Variants in CIMIP2C observed in about 807,000 individuals in gnomAD.
CIMIP2C encodes the protein ciliary microtubule inner protein 2C, also known as UPF0573 protein C2orf70.
At chr2:26,567,952 C>A in the CIMIP2C span, among the ~76,000 whole-genome samples, 1 of 152,264 alleles carries the variant, frequency 6.6e-6, no homozygotes. Flanking sequence ...GAGAAACTGG[C>A]AGGTGTGGTC....
the CIMIP2C span, among the ~76,000 whole-genome samples, chr2:26,568,275 G>A: frequency 1.3e-5 from 2 of 152,142 alleles, no homozygotes; most frequent in African/African-American, 4.8e-5. Flanking sequence ...ACACACTTAG[G>A]GAGCCTCTGG....
At chr2:26,565,468 G>C in the CIMIP2C span, among the ~76,000 whole-genome samples, 1 of 152,074 alleles carries the variant, frequency 6.6e-6, no homozygotes, top group East Asian at 1.9e-4. Flanking sequence ...GCAAGTTGCC[G>C]AGCCTCGGCT....
chr2:26,576,016 CT>C, the CIMIP2C span: 1 of 1,614,218 alleles, frequency 6.2e-7, no homozygotes, highest in Non-Finnish European at 8.5e-7. Context: ...GCCACACTCC[CT>C]TCAGCCAAGG....
chr2:26,573,189 G>C, the CIMIP2C span, among the ~76,000 whole-genome samples: 359 of 152,236 alleles, frequency 2.4e-3, no homozygotes, highest in African/African-American at 8.4e-3. Flanking sequence ...GTCAAGGAAA[G>C]GGTGAGAGTT....
the CIMIP2C span, among the ~76,000 whole-genome samples, chr2:26,572,384 T>G: frequency 6.6e-6 from 1 of 151,812 alleles, no homozygotes; most frequent in Admixed American, 6.6e-5. Context: ...CATCTCTTGA[T>G]TGGCAGGATT....
the CIMIP2C span, chr2:26,572,065 G>A: frequency 5.9e-6 from 9 of 1,529,986 alleles, no homozygotes; most frequent in East Asian, 2.5e-5. Flanking sequence ...ACCATCAAAG[G>A]ACTAAAGCCA....
chr2:26,564,018 A>G, the CIMIP2C span, among the ~76,000 whole-genome samples: 1 of 152,144 alleles, frequency 6.6e-6, no homozygotes, highest in Admixed American at 6.5e-5. Context: ...TATTTAAGAC[A>G]TTCATGTGGG....
the CIMIP2C span, chr2:26,577,385 G>A: frequency 5.8e-5 from 46 of 799,076 alleles, no homozygotes; most frequent in Admixed American, 4.5e-4. Flanking sequence ...CAGCAACTCC[G>A]GGACTCCTCC....
chr2:26,563,013 A>G, the CIMIP2C span: 1 of 357,338 alleles, frequency 2.8e-6, no homozygotes, highest in Non-Finnish European at 5.1e-6. Flanking sequence ...GTGCTTGGAG[A>G]CGCCCCAGGC....
the CIMIP2C span, chr2:26,576,029 G>T: frequency 6.2e-7 from 1 of 1,614,164 alleles, no homozygotes; most frequent in South Asian, 1.1e-5. Context: ...CAGCCAAGGC[G>T]GCCATTTCCC....
chr2:26,577,535 A>T, the CIMIP2C span: 1 of 1,614,068 alleles, frequency 6.2e-7, no homozygotes, highest in South Asian at 1.1e-5. Context: ...CAGCATCGGA[A>T]GTACTATCAA....
chr2:26,576,310 T>A, the CIMIP2C span: 1 of 1,128,790 alleles, frequency 8.9e-7, no homozygotes, highest in Non-Finnish European at 1.2e-6. Flanking sequence ...TCAGAGCCCC[T>A]GAGCCAGCAG....
At chr2:26,577,834 A>G in the CIMIP2C span, 5 of 516,882 alleles carry the variant, frequency 9.7e-6, no homozygotes, top group Non-Finnish European at 1.7e-5. Context: ...TGAATGGGCG[A>G]ATCAGGAAGA....
the CIMIP2C span, chr2:26,579,332 G>C: frequency 9.9e-6 from 16 of 1,613,944 alleles, no homozygotes; most frequent in Non-Finnish European, 1.2e-5. Flanking sequence ...CACCTTTTAA[G>C]ACTAGCCCCC....
the CIMIP2C span, among the ~76,000 whole-genome samples, chr2:26,571,047 G>A: frequency 2.5e-3 from 383 of 152,272 alleles, no homozygotes; most frequent in South Asian, 5.0e-3. Context: ...TTTCAGTGGC[G>A]CTGAGTCTGT....
At chr2:26,567,010 A>G in the CIMIP2C span, among the ~76,000 whole-genome samples, 1 of 152,254 alleles carries the variant, frequency 6.6e-6, no homozygotes, top group Non-Finnish European at 1.5e-5. Context: ...CTGGCCTAAT[A>G]TAACATATTT....
chr2:26,569,959 G>T, the CIMIP2C span, among the ~76,000 whole-genome samples: 1 of 152,162 alleles, frequency 6.6e-6, no homozygotes, highest in Admixed American at 6.5e-5. Context: ...ATGCTCAAAG[G>T]AACACAAATG....
chr2:26,571,506 G>A, the CIMIP2C span, among the ~76,000 whole-genome samples: 1 of 152,190 alleles, frequency 6.6e-6, no homozygotes, highest in African/African-American at 2.4e-5. Context: ...ATTGGGCTTG[G>A]GGAAGGCAGG....
the CIMIP2C span, among the ~76,000 whole-genome samples, chr2:26,577,363 G>A: frequency 6.6e-6 from 1 of 152,194 alleles, no homozygotes; most frequent in Non-Finnish European, 1.5e-5. Context: ...GTTGGCAATT[G>A]AGTTGGGGCC....
Sources: allele counts gnomAD v4.1 joint callset (sites outside exome capture counted in the v4.1 genomes callset), GRCh38; gene constraint gnomAD v4.1.1; transcripts MANE v1.5; gene names NCBI Gene and HGNC (gene_info 2026-07-23, HGNC 2026-07-21).